GRIA1: variants seen among roughly 807,000 people sequenced by gnomAD.
The protein encoded by GRIA1 is glutamate receptor 1.
In GRIA1, 31 loss-of-function variants were observed where a neutral mutation model predicts 99.2. The observed-to-expected ratio is 0.31, with a 90% CI of 0.23 to 0.42. The LOEUF is 0.42. GRIA1 is among the 10% of genes least tolerant of loss of function. The probability of loss-of-function intolerance (pLI) is 1.00; values close to 1 mark genes in which losing one functional copy is unlikely to be tolerated. For missense variants in GRIA1, 782 were observed against 1,157.5 expected, an observed-to-expected ratio of 0.68 and a Z score of 4.71; for synonymous variants, 438 against 432.4, an observed-to-expected ratio of 1.01 and a Z score of -0.16.
chr5:153,506,316 G>GGTGTGTGTGTGTGTGTGT lies in GRIA1; in HGVS notation c.220+12278_220+12295dup, dbSNP rs61220170. ...TGTTGCTTATTAGGATGGCAAGAAG[G>GGTGTGTGTGTGTGTGTGT]GTGTGTGTGTGTGTGTGTGTGTGTG... On this transcript the variant is annotated intron_variant, in intron 2 of 15. Transcript: ENST00000285900. Among the ~76,000 whole-genome samples the GGTGTGTGTGTGTGTGTGT allele has an allele frequency of 1.7e-3, 239 of 140,404 alleles. 2 individuals carry two copies. Among genetic ancestry groups the GGTGTGTGTGTGTGTGTGT allele is most frequent in the African/African-American group, 5.8e-3 (217 of 37,142 alleles). The allele number at this position is 140,404 out of a possible 152,430, so 92.1% of individuals were successfully genotyped here. A position where few individuals can be genotyped will look rare whatever the true frequency, so the allele number is the denominator to read the frequency against.
In GRIA1 at chr5:153,637,878, T is replaced by A. The variant is rs182440187; in HGVS notation, c.221-9050T>A. 2.1e-3 allele frequency among the ~76,000 whole-genome samples: 326 copies of A among 152,360 alleles called. 1 individual carries two copies. Among genetic ancestry groups the A allele is most frequent in the Non-Finnish European group, 3.5e-3 (240 of 68,030 alleles). On this transcript the variant is annotated intron_variant, in intron 2 of 15. Coordinates refer to ENST00000285900, the MANE Select transcript of GRIA1 (RefSeq NM_000827.4). ...GCACCGTGCAATTTTCGTTATTCCC[T>A]ACCTAGCTCTTTATGAGTTATTGTT...
intron 2 of GRIA1, among the ~76,000 whole-genome samples, chr5:153,603,926 C>T (rs986235842): frequency 1.3e-5 from 2 of 152,106 alleles, no homozygotes; most frequent in African/African-American, 4.8e-5. Context: ...ATATAGTAAG[C>T]TCTCCATAAA....
intron 2 of GRIA1, among the ~76,000 whole-genome samples, chr5:153,562,062 G>A (rs1465181830): frequency 6.6e-6 from 1 of 151,980 alleles, no homozygotes; most frequent in African/African-American, 2.4e-5. Context: ...ATGCATTGGG[G>A]GGTAAGACTT....
At chr5:153,707,347 A>G (rs1425308621) in intron 11 of GRIA1, among the ~76,000 whole-genome samples, 1 of 152,196 alleles carries the variant, frequency 6.6e-6, no homozygotes, top group African/African-American at 2.4e-5. Context: ...GGGGTGAGGA[A>G]GGTAGGAAAC....
At chr5:153,696,748 G>C (rs1758134654) in intron 8 of GRIA1, among the ~76,000 whole-genome samples, 2 of 152,014 alleles carry the variant, frequency 1.3e-5, no homozygotes, top group South Asian at 4.1e-4. Flanking sequence ...TTTTTCCTTT[G>C]TATCTAGAGC....
intron 11 of GRIA1, among the ~76,000 whole-genome samples, chr5:153,744,142 G>C (rs753036995): frequency 1.3e-5 from 2 of 152,122 alleles, no homozygotes; most frequent in Non-Finnish European, 2.9e-5. Flanking sequence ...TTAGAGGGAG[G>C]GCATTCTGAG....
At chr5:153,698,206 A>C (rs1758255620) in intron 9 of GRIA1, 52 bp downstream of exon 9, 2 of 1,002,666 alleles carry the variant, frequency 2.0e-6, no homozygotes, top group Non-Finnish European at 3.1e-6. Context: ...CTAGGCCAGC[A>C]CAAGGGTTTT....
intron 8 of GRIA1, 39 bp from the exon 9 acceptor site, chr5:153,698,005 C>A (rs1206267117): frequency 8.7e-7 from 1 of 1,143,318 alleles, no homozygotes. Context: ...TCAGAGGAGG[C>A]TGGCCCACCT....
intron 14 of GRIA1, among the ~76,000 whole-genome samples, chr5:153,800,755 C>T (rs1043006630): frequency 9.9e-5 from 15 of 152,240 alleles, no homozygotes; most frequent in African/African-American, 3.1e-4. Context: ...AATGCACCAA[C>T]TAGAACTAGG....
At chr5:153,684,554 G>T (rs1332704129) in intron 7 of GRIA1, among the ~76,000 whole-genome samples, 1 of 152,140 alleles carries the variant, frequency 6.6e-6, no homozygotes, top group African/African-American at 2.4e-5. Flanking sequence ...TTCAGTTTGG[G>T]CAAATCAGTC....
intron 2 of GRIA1, among the ~76,000 whole-genome samples, chr5:153,634,013 G>A (rs1323955238): frequency 1.3e-5 from 2 of 152,022 alleles, no homozygotes; most frequent in African/African-American, 4.8e-5. Flanking sequence ...ACAAGGTACC[G>A]CAATAGAGAA....
At chr5:153,637,478 T>C (rs1753448671) in intron 2 of GRIA1, among the ~76,000 whole-genome samples, 1 of 152,208 alleles carries the variant, frequency 6.6e-6, no homozygotes, top group Non-Finnish European at 1.5e-5. Context: ...AGTCACTCTA[T>C]GGACCATCCC....
In GRIA1 at chr5:153,706,128, G is replaced by GTTTTTTTTTTTTTT. The variant is rs763821992; in HGVS notation, c.1823+64_1823+65insTTTTTTTTTTTTTT. On this transcript the variant is annotated intron_variant, in intron 11 of 15. Transcript: ENST00000285900. ...TATGGTTTTGTTTGTTTGTTTGTTT[G>GTTTTTTTTTTTTTT]TTTGTTTTTTAAATACTGAAAAGTA... is the stretch of plus-strand genomic sequence containing the variant. 34 of 1,503,876 alleles carry GTTTTTTTTTTTTTT rather than the reference G, an allele frequency of 2.3e-5. No individual in the cohort carries two copies. The African/African-American group carries it at 3.6e-4, about 16-fold the overall frequency. 93.2% of individuals were successfully genotyped at this position (1,503,876 alleles called of 1,614,324 possible). A position where few individuals can be genotyped will look rare whatever the true frequency, so the allele number is the denominator to read the frequency against.
At chr5:153,490,273 T>G (rs1313079749), upstream of GRIA1, 1 of 175,052 alleles carries the variant, frequency 5.7e-6, no homozygotes, top group Non-Finnish European at 1.2e-5. Context: ...CCTACTGACT[T>G]ACAGCTGAAC....
At chr5:153,764,187 G>A (rs931451522) in intron 11 of GRIA1, among the ~76,000 whole-genome samples, 1 of 152,166 alleles carries the variant, frequency 6.6e-6, no homozygotes, top group African/African-American at 2.4e-5. Flanking sequence ...AAGGGAGTGT[G>A]AATACGTGCA....
chr5:153,568,855 T>G, intron 2 of GRIA1, among the ~76,000 whole-genome samples: 1 of 152,230 alleles, frequency 6.6e-6, no homozygotes, highest in East Asian at 1.9e-4. Flanking sequence ...GAAGGCCTTC[T>G]ATATCAAAAC....
chr5:153,801,526 G>T (rs748116087), intron 14 of GRIA1, among the ~76,000 whole-genome samples: 2 of 152,234 alleles, frequency 1.3e-5, no homozygotes, highest in Non-Finnish European at 2.9e-5. Flanking sequence ...TCCTAGGAAT[G>T]AAGCACCCTT....
intron 2 of GRIA1, among the ~76,000 whole-genome samples, chr5:153,590,295 T>C (rs543783248): frequency 5.3e-5 from 8 of 152,136 alleles, no homozygotes; most frequent in South Asian, 2.1e-4. Flanking sequence ...AGCTTTATTA[T>C]ACCAAGTTCA....
At chr5:153,684,733 G>T (rs916492440) in intron 7 of GRIA1, among the ~76,000 whole-genome samples, 3 of 152,214 alleles carry the variant, frequency 2.0e-5, no homozygotes, top group African/African-American at 7.2e-5. Context: ...GACTGGAATT[G>T]CTCCTTTCTT....
Sources: allele counts gnomAD v4.1 joint callset (sites outside exome capture counted in the v4.1 genomes callset), GRCh38; gene constraint gnomAD v4.1.1; transcripts MANE v1.5; gene names NCBI Gene and HGNC (gene_info 2026-07-23, HGNC 2026-07-21).